Variants in PRXL2A observed in about 807,000 individuals in gnomAD.
The protein encoded by PRXL2A is peroxiredoxin like 2A, also known as peroxiredoxin-like 2A.
Under a neutral mutation model 25.6 loss-of-function variants are expected in PRXL2A, and 26 were observed. The observed-to-expected ratio is 1.02, with a 90% CI of 0.74 to 1.41. PRXL2A has a LOEUF of 1.41. PRXL2A is among the 40% of genes most tolerant of loss of function. The pLI is 0.00. For missense variants in PRXL2A, 246 were observed against 273.9 expected (o/e 0.90, Z 0.72); for synonymous variants, 98 against 102.9 (o/e 0.95, Z 0.29).
intron 1 of PRXL2A, among the ~76,000 whole-genome samples, chr10:80,417,328 T>A (rs1341187552): frequency 6.6e-6 from 1 of 152,238 alleles, no homozygotes; most frequent in African/African-American, 2.4e-5. Context: ...TCATACATTG[T>A]TGGTGCTAGT....
At chr10:80,411,352 C>T (rs1589549642) in intron 1 of PRXL2A, among the ~76,000 whole-genome samples, 2 of 152,210 alleles carry the variant, frequency 1.3e-5, no homozygotes, top group African/African-American at 4.8e-5. Context: ...CAGCAGATTT[C>T]CCAGGCCCTG....
At chr10:80,423,278 A>G (rs779814746) in intron 3 of PRXL2A, among the ~76,000 whole-genome samples, 2 of 152,224 alleles carry the variant, frequency 1.3e-5, no homozygotes, top group African/African-American at 4.8e-5. Flanking sequence ...ACTTGGATCT[A>G]GCCTTGTCCC....
At chr10:80,409,237 TAAC>T (rs1844395425) in intron 1 of PRXL2A, among the ~76,000 whole-genome samples, 2 of 152,198 alleles carry the variant, frequency 1.3e-5, no homozygotes, top group Admixed American at 6.5e-5. Context: ...GTTGTAAACT[TAAC>T]AGCCCTGCTG....
intron 3 of PRXL2A, 109 bp downstream of exon 3, chr10:80,422,617 ATGTTC>A: frequency 1.4e-6 from 1 of 737,256 alleles, no homozygotes; most frequent in Non-Finnish European, 2.2e-6. Context: ...TTTTACCCAC[ATGTTC>A]TGTTCTGTTA....
At chr10:80,408,672 G>C (rs1023786219) in intron 1 of PRXL2A, 29 bp downstream of exon 1, 8 of 152,542 alleles carry the variant, frequency 5.2e-5, no homozygotes, top group African/African-American at 1.9e-4. Context: ...GGCTCCGCGA[G>C]GCACGTGATG....
Position 80,435,672 on chromosome 10 carries a change from C to G in PRXL2A, c.*3573C>G, listed in dbSNP as rs374655825. On this transcript the variant is annotated 3_prime_UTR_variant, in exon 6 of 6. Transcript: ENST00000606162. ...TATTTTTGTAGGGATGGGGGTCTCC[C>G]TGTATTGCCCAGGCTGGTCTCAAAC... The G allele has an allele frequency of 6.6e-6, 1 of 152,164 alleles. No homozygotes were observed. The highest frequency in any genetic ancestry group is 6.6e-5 in the Admixed American group (1 of 15,264). 9.4% of individuals were successfully genotyped at this position (152,164 alleles called of 1,614,324 possible).
At position 80,433,390 on chromosome 10, in the gene PRXL2A, C is replaced by T. The variant is rs2131922886; in HGVS notation, c.*1291C>T. 1 of 152,376 alleles carries T rather than the reference C, an allele frequency of 6.6e-6. No homozygotes were observed. The highest frequency in any genetic ancestry group is 1.5e-5 in the Non-Finnish European group (1 of 68,072). The allele number at this position is 152,376 out of a possible 1,614,324, so 9.4% of individuals were successfully genotyped here. On this transcript the variant is annotated 3_prime_UTR_variant, in exon 6 of 6. Coordinates refer to ENST00000606162, the MANE Select transcript of PRXL2A (RefSeq NM_032333.5). ...GGAGCTCGGCCACAGGGAGTCTACTCAAGGCATCAAACTGGCCCAGGAGTA... is the reference window on the plus strand; with the variant it reads ...GGAGCTCGGCCACAGGGAGTCTACTTAAGGCATCAAACTGGCCCAGGAGTA...
At chr10:80,408,959 T>C in intron 1 of PRXL2A, 1 of 906,200 alleles carries the variant, frequency 1.1e-6, no homozygotes, top group South Asian at 5.1e-5. Context: ...CCGCAAGCCT[T>C]GAGTGACGCC....
intron 1 of PRXL2A, among the ~76,000 whole-genome samples, chr10:80,416,511 G>A (rs1469051306): frequency 6.6e-6 from 1 of 152,172 alleles, no homozygotes; most frequent in Non-Finnish European, 1.5e-5. Flanking sequence ...GCTGGAAGTA[G>A]GGGGCTGGCA....
rs33941883 is a variant in PRXL2A, at chr10:80,424,405, C to CAA, written c.271-1433_271-1432dup. On this transcript the variant is annotated intron_variant, in intron 3 of 5. Coordinates refer to ENST00000606162, the MANE Select transcript of PRXL2A (RefSeq NM_032333.5). ...GCAACATAGCGAGACCCTGTCTCTA[C>CAA]AAAAAAAAAAAAAAAAAAAAAAAAA... Among the ~76,000 whole-genome samples the CAA allele has an allele frequency of 1.0e-3, 75 of 75,074 alleles. 2 individuals are homozygous for CAA. The highest frequency in any genetic ancestry group is 1.5e-3 in the Non-Finnish European group (65 of 42,386). 49.3% of individuals were successfully genotyped at this position (75,074 alleles called of 152,430 possible). A position where few individuals can be genotyped will look rare whatever the true frequency, so the allele number is the denominator to read the frequency against.
At chr10:80,423,636 C>G (rs569203245) in intron 3 of PRXL2A, among the ~76,000 whole-genome samples, 1 of 152,346 alleles carries the variant, frequency 6.6e-6, no homozygotes, top group South Asian at 2.1e-4. Flanking sequence ...TGTGTGCCTG[C>G]TATCTCAGTG....
intron 5 of PRXL2A, among the ~76,000 whole-genome samples, chr10:80,431,628 C>T (rs1294867445): frequency 6.6e-6 from 1 of 152,130 alleles, no homozygotes; most frequent in African/African-American, 2.4e-5. Flanking sequence ...TTGGGCCTTT[C>T]TGTGTTAGCT....
At chr10:80,414,156 C>A (rs1220259540) in intron 1 of PRXL2A, among the ~76,000 whole-genome samples, 1 of 152,132 alleles carries the variant, frequency 6.6e-6, no homozygotes, top group East Asian at 1.9e-4. Context: ...CTAGGGAGCC[C>A]GACTGGGTCT....
chr10:80,427,157 AAAAAG>A (rs1408959812), intron 4 of PRXL2A, among the ~76,000 whole-genome samples, 170 bp from the exon 5 acceptor site: 1 of 151,748 alleles, frequency 6.6e-6, no homozygotes, highest in African/African-American at 2.4e-5. Context: ...AAAAAAAAAA[AAAAAG>A]AGTGGACCTG....
intron 4 of PRXL2A, 129 bp downstream of exon 4, chr10:80,426,135 G>A (rs1410345647): frequency 2.6e-6 from 3 of 1,160,650 alleles, no homozygotes. Context: ...TCCTGAACTT[G>A]CAAGGCCTTT....
At position 80,420,481 on chromosome 10, in the gene PRXL2A, A is replaced by G. The variant is rs749351563; in HGVS notation, c.14A>G (p.Gln5Arg). Residue 5 changes from glutamine to arginine, a missense_variant, in exon 2 of 6, where the codon CAG becomes CGG. Physicochemically the swap from Gln to Arg is conservative, Grantham distance 43. Transcript: ENST00000606162. MSFL[Q>R]DPSFFTMGMW... ...CAATCTCCAGAAATGTCTTTCCTCC[A>G]GGACCCAAGTTTCTTCACCATGGGG... 6.3e-6 allele frequency: 10 copies of G among 1,591,718 alleles called. No individual in the cohort carries two copies. The highest frequency in any genetic ancestry group is 1.7e-6 in the Non-Finnish European group (2 of 1,166,932).
chr10:80,424,606 C>T (rs1844977854), intron 3 of PRXL2A, among the ~76,000 whole-genome samples: 1 of 151,626 alleles, frequency 6.6e-6, no homozygotes, highest in African/African-American at 2.4e-5. Context: ...TGGCTCACAC[C>T]TGTACTCCCA....
intron 1 of PRXL2A, among the ~76,000 whole-genome samples, chr10:80,411,344 G>A (rs1326195016): frequency 6.6e-6 from 1 of 152,246 alleles, no homozygotes; most frequent in Non-Finnish European, 1.5e-5. Context: ...TCTCCAGGCA[G>A]CAGATTTCCC....
At chr10:80,413,391 G>C (rs1385376755) in intron 1 of PRXL2A, among the ~76,000 whole-genome samples, 1 of 152,216 alleles carries the variant, frequency 6.6e-6, no homozygotes, top group Non-Finnish European at 1.5e-5. Context: ...GTAAAGAATA[G>C]ACAGCAGATG....
Sources: gnomAD v4.1 joint callset for allele counts (sites outside exome capture counted in the v4.1 genomes callset) on GRCh38, gnomAD v4.1.1 for gene constraint, MANE v1.5 for transcripts, NCBI Gene and HGNC (gene_info 2026-07-23, HGNC 2026-07-21) for gene names.